The following MYO10 variants were observed in gnomAD, a reference collection of about 807,000 sequenced individuals.
The protein encoded by MYO10 is unconventional myosin-X.
A neutral mutation model predicts 257.3 loss-of-function variants in MYO10; 133 were observed. That is an observed-to-expected ratio of 0.52 (90% confidence interval 0.45 to 0.60). MYO10 has a LOEUF of 0.60. MYO10 is among the 20% of genes least tolerant of loss of function. The pLI, the probability that MYO10 is intolerant of heterozygous loss-of-function variation, is 0.00. For synonymous variants in MYO10, 1,104 were observed against 1,028.6 expected, an observed-to-expected ratio of 1.07 and a Z score of -1.40; for missense variants, 2,399 against 2,635.7, an observed-to-expected ratio of 0.91 and a Z score of 1.97.
At chr5:16,863,599 A>G (rs1349872124) in intron 2 of MYO10, among the ~76,000 whole-genome samples, 1 of 152,238 alleles carries the variant, frequency 6.6e-6, no homozygotes, top group Non-Finnish European at 1.5e-5. Context: ...GAAATATACA[A>G]ACAACAATCT....
At chr5:16,845,123 T>C (rs1743595318) in intron 2 of MYO10, among the ~76,000 whole-genome samples, 1 of 152,180 alleles carries the variant, frequency 6.6e-6, no homozygotes, top group Admixed American at 6.5e-5. Flanking sequence ...TATACAGAAC[T>C]GAACCTCTTC....
chr5:16,683,093 G>C (rs1283923000), intron 30 of MYO10, among the ~76,000 whole-genome samples: 1 of 152,196 alleles, frequency 6.6e-6, no homozygotes, highest in Non-Finnish European at 1.5e-5. Flanking sequence ...CCATGGTTCA[G>C]AAGGGCTCTT....
At chr5:16,935,666 G>A (rs527736191) in intron 1 of MYO10, 122 bp downstream of exon 1, 11 of 1,156,328 alleles carry the variant, frequency 9.5e-6, no homozygotes, top group African/African-American at 1.5e-5. Flanking sequence ...GTGATTTCAG[G>A]AGACTCCCAG....
chr5:16,809,814 CA>C (rs1239847009), intron 3 of MYO10, among the ~76,000 whole-genome samples: 1 of 152,136 alleles, frequency 6.6e-6, no homozygotes, highest in Non-Finnish European at 1.5e-5. Flanking sequence ...GCAAGACAAA[CA>C]AACTAACCAA....
intron 19 of MYO10, among the ~76,000 whole-genome samples, chr5:16,753,289 C>G (rs1447332536): frequency 6.6e-6 from 1 of 152,020 alleles, no homozygotes; most frequent in Non-Finnish European, 1.5e-5. Context: ...GCCTCAGCCT[C>G]CCAAGTAGGT....
chr5:16,690,042 C>T, intron 27 of MYO10, 123 bp from the exon 28 acceptor site: 1 of 703,062 alleles, frequency 1.4e-6, no homozygotes, highest in Non-Finnish European at 2.5e-6. Flanking sequence ...AAACGGTACA[C>T]AGTTGGCTCT....
chr5:16,816,320 A>G (rs1254039564), intron 3 of MYO10, among the ~76,000 whole-genome samples: 1 of 140,938 alleles, frequency 7.1e-6, no homozygotes, highest in Non-Finnish European at 1.5e-5. Context: ...GCCTGGTGAC[A>G]GAGTGAGACT....
intron 19 of MYO10, among the ~76,000 whole-genome samples, chr5:16,716,361 CAGAGGTGCTGACA>C (rs969100804): frequency 6.6e-6 from 1 of 151,860 alleles, no homozygotes; most frequent in African/African-American, 2.4e-5. Context: ...TAAAGGACAA[CAGAGGTGCTGACA>C]AACAGGGACA....
chr5:16,775,836 C>T (rs1043851853), intron 9 of MYO10, among the ~76,000 whole-genome samples: 1 of 151,946 alleles, frequency 6.6e-6, no homozygotes, highest in Non-Finnish European at 1.5e-5. Flanking sequence ...CTCCAGACCT[C>T]GTGATCCATA....
intron 16 of MYO10, among the ~76,000 whole-genome samples, 184 bp from the exon 17 acceptor site, chr5:16,761,730 GC>G (rs1579960808): frequency 6.6e-6 from 1 of 152,080 alleles, no homozygotes; most frequent in East Asian, 1.9e-4. Context: ...AGCTCATGCA[GC>G]CTCAAATTCC....
At chr5:16,788,878 T>C (rs1652460064) in intron 4 of MYO10, among the ~76,000 whole-genome samples, 1 of 152,068 alleles carries the variant, frequency 6.6e-6, no homozygotes, top group Non-Finnish European at 1.5e-5. Flanking sequence ...AGATGGAACA[T>C]ACTAAAAGAT....
At chr5:16,672,563 C>G in intron 37 of MYO10, 126 bp downstream of exon 37, 1 of 1,115,528 alleles carries the variant, frequency 9.0e-7, no homozygotes, top group Non-Finnish European at 1.3e-6. Flanking sequence ...GGCATCAACA[C>G]AGGTAAAATA....
At chr5:16,710,010 C>T (rs1738525257) in intron 21 of MYO10, among the ~76,000 whole-genome samples, 1 of 152,238 alleles carries the variant, frequency 6.6e-6, no homozygotes. Context: ...TCTTCCCCCG[C>T]TTTCTCCCTC....
At chr5:16,775,241 T>C (rs946113953) in intron 9 of MYO10, among the ~76,000 whole-genome samples, 1 of 152,204 alleles carries the variant, frequency 6.6e-6, no homozygotes, top group African/African-American at 2.4e-5. Flanking sequence ...TCATTGCCTC[T>C]GCCCCAGGAA....
chr5:16,708,337 T>C (rs1453528751), intron 21 of MYO10, among the ~76,000 whole-genome samples: 3 of 152,198 alleles, frequency 2.0e-5, no homozygotes, highest in African/African-American at 7.2e-5. Context: ...GAATATCTTA[T>C]CTTCCAACAC....
intron 26 of MYO10, among the ~76,000 whole-genome samples, chr5:16,695,629 A>AG (rs1207559532): frequency 6.6e-6 from 1 of 152,154 alleles, no homozygotes; most frequent in Non-Finnish European, 1.5e-5. Flanking sequence ...TATGCTCTTC[A>AG]GGGAGGATAA....
intron 9 of MYO10, among the ~76,000 whole-genome samples, chr5:16,772,265 T>C (rs1474576229): frequency 6.6e-6 from 1 of 151,962 alleles, no homozygotes; most frequent in Admixed American, 6.6e-5. Flanking sequence ...CCCGAGTAGC[T>C]GGGATTATAG....
intron 33 of MYO10, among the ~76,000 whole-genome samples, chr5:16,676,372 C>G (rs994289755): frequency 6.6e-6 from 1 of 152,160 alleles, no homozygotes; most frequent in African/African-American, 2.4e-5. Context: ...CGTGCGTGTA[C>G]TTCCCCATGT....
At chr5:16,712,211 A>T (rs984228832) in intron 19 of MYO10, among the ~76,000 whole-genome samples, 1 of 152,196 alleles carries the variant, frequency 6.6e-6, no homozygotes, top group African/African-American at 2.4e-5. Context: ...TTCTAGTCAA[A>T]TACTTATTTA....
Sources: gnomAD v4.1 joint callset for allele counts (sites outside exome capture counted in the v4.1 genomes callset) on GRCh38, gnomAD v4.1.1 for gene constraint, MANE v1.5 for transcripts, NCBI Gene and HGNC (gene_info 2026-07-23, HGNC 2026-07-21) for gene names.